Variants in SORCS3 observed in about 807,000 individuals in gnomAD.
The protein encoded by SORCS3 is VPS10 domain-containing receptor SorCS3.
In SORCS3, 57 loss-of-function variants were observed where a neutral mutation model predicts 146.3. The observed-to-expected ratio is 0.39, with a 90% confidence interval of 0.31 to 0.49. The LOEUF is 0.49. Among genes scored for constraint, SORCS3 ranks in the 20% least tolerant of loss-of-function variants. The pLI is 0.92. For synonymous variants in SORCS3, 653 were observed against 618.5 expected (o/e 1.06, Z -0.83); for missense variants, 1,341 against 1,575.5 (o/e 0.85, Z 2.52).
In SORCS3 at chr10:105,223,103, T is replaced by C. The variant is rs1042303379; in HGVS notation, c.2735-13T>C. ...AGAATATAAACACTGACTTTTTTTT[T>C]CTGTTTCCTTAGGTCCTGTGGAGCA... is the stretch of plus-strand genomic sequence containing the variant. On this transcript the variant is annotated splice_polypyrimidine_tract_variant and intron_variant, in intron 19 of 26. Transcript: ENST00000369701. 7 of 1,588,264 alleles carry C rather than the reference T, an allele frequency of 4.4e-6. No homozygotes were observed. In the South Asian group the frequency reaches 4.5e-5, roughly 10 times the overall value.
intron 4 of SORCS3, among the ~76,000 whole-genome samples, chr10:104,987,607 C>T (rs977178042): frequency 3.9e-5 from 6 of 152,058 alleles, no homozygotes; most frequent in Non-Finnish European, 8.8e-5. Flanking sequence ...TTTTCACTGT[C>T]GTCCTTTTAG....
chr10:104,661,262 T>C (rs1402967342), intron 1 of SORCS3, among the ~76,000 whole-genome samples: 3 of 152,228 alleles, frequency 2.0e-5, no homozygotes, highest in African/African-American at 7.2e-5. Flanking sequence ...GAGTTGGGAA[T>C]GAGGACGAGT....
Position 105,247,346 on chromosome 10 carries a change from T to C in SORCS3, c.3105+15T>C. 6.7e-7 allele frequency: 1 copy of C among 1,481,874 alleles called. No homozygotes were observed. The highest frequency in any genetic ancestry group is 1.1e-5 in the South Asian group (1 of 87,254). 91.8% of individuals were successfully genotyped at this position (1,481,874 alleles called of 1,614,324 possible). A position where few individuals can be genotyped will look rare whatever the true frequency, so the allele number is the denominator to read the frequency against. On this transcript the variant is annotated intron_variant, in intron 22 of 26. Coordinates refer to ENST00000369701, the MANE Select transcript of SORCS3 (RefSeq NM_014978.3). ...CTCTGGTTAAAGTAAGTTGGCTTTG[T>C]CTTTTTTTAAGTTCTTGTGAATAAA...
chr10:104,860,890 C>T (rs1254280457), intron 2 of SORCS3, among the ~76,000 whole-genome samples: 2 of 152,142 alleles, frequency 1.3e-5, no homozygotes, highest in African/African-American at 2.4e-5. Flanking sequence ...TGAATAAGAC[C>T]TGGCTTCAGT....
chr10:105,109,038 T>A (rs2133755872), intron 7 of SORCS3, among the ~76,000 whole-genome samples: 1 of 152,214 alleles, frequency 6.6e-6, no homozygotes, highest in East Asian at 1.9e-4. Context: ...TCTGATAATT[T>A]TGAGTATTTG....
chr10:104,932,603 G>A (rs1055898582), intron 3 of SORCS3, among the ~76,000 whole-genome samples: 1 of 152,194 alleles, frequency 6.6e-6, no homozygotes, highest in Non-Finnish European at 1.5e-5. Flanking sequence ...TTCTGTCTAC[G>A]TTGTGTGATT....
intron 14 of SORCS3, among the ~76,000 whole-genome samples, chr10:105,185,747 T>C (rs537887313): frequency 1.3e-4 from 20 of 152,346 alleles, no homozygotes; most frequent in African/African-American, 4.1e-4. Flanking sequence ...ATAGAATTGA[T>C]ATTTTCATTA....
intron 2 of SORCS3, among the ~76,000 whole-genome samples, chr10:104,884,454 A>G (rs1044352758): frequency 6.6e-6 from 1 of 152,190 alleles, no homozygotes; most frequent in African/African-American, 2.4e-5. Context: ...CAGTACTGTA[A>G]AGTTCAGAGA....
At chr10:105,101,985 A>C (rs2055788189) in intron 6 of SORCS3, among the ~76,000 whole-genome samples, 1 of 152,224 alleles carries the variant, frequency 6.6e-6, no homozygotes, top group South Asian at 2.1e-4. Flanking sequence ...GCTCCAAAGC[A>C]CAGCCTGGGC....
At chr10:105,239,249 A>G (rs2056809901) in intron 20 of SORCS3, among the ~76,000 whole-genome samples, 1 of 152,200 alleles carries the variant, frequency 6.6e-6, no homozygotes, top group African/African-American at 2.4e-5. Flanking sequence ...ACCTCATATG[A>G]TGAGCACTTT....
At chr10:105,087,576 G>A (rs1404243420) in intron 5 of SORCS3, among the ~76,000 whole-genome samples, 11 of 151,804 alleles carry the variant, frequency 7.2e-5, no homozygotes, top group East Asian at 3.9e-4. Context: ...AGTCCTCTGC[G>A]TGTCTGGCCT....
At chr10:105,071,736 C>T (rs1054078016) in intron 5 of SORCS3, among the ~76,000 whole-genome samples, 3 of 152,024 alleles carry the variant, frequency 2.0e-5, no homozygotes, top group Non-Finnish European at 2.9e-5. Flanking sequence ...CCATAGTCAC[C>T]CTGTTGTGCT....
intron 5 of SORCS3, among the ~76,000 whole-genome samples, chr10:105,080,902 A>C (rs2055620551): frequency 6.6e-6 from 1 of 152,224 alleles, no homozygotes; most frequent in Non-Finnish European, 1.5e-5. Flanking sequence ...AAAAACAAGC[A>C]TTGGGAAAAG....
intron 5 of SORCS3, among the ~76,000 whole-genome samples, chr10:105,073,837 C>A (rs932104201): frequency 6.6e-6 from 1 of 152,124 alleles, no homozygotes; most frequent in African/African-American, 2.4e-5. Flanking sequence ...GAACAGGGAA[C>A]CACAGACGTT....
intron 3 of SORCS3, among the ~76,000 whole-genome samples, chr10:104,957,391 G>A (rs925973126): frequency 1.1e-4 from 16 of 152,290 alleles, no homozygotes; most frequent in South Asian, 2.1e-4. Flanking sequence ...AATGAGAAGC[G>A]ATTAATCTAA....
intron 1 of SORCS3, among the ~76,000 whole-genome samples, chr10:104,692,563 A>G (rs2016126747): frequency 6.6e-6 from 1 of 152,188 alleles, no homozygotes; most frequent in South Asian, 2.1e-4. Flanking sequence ...TATTTGTTGA[A>G]TGAGTCATCA....
intron 1 of SORCS3, among the ~76,000 whole-genome samples, chr10:104,758,326 C>T (rs1284083341): frequency 6.6e-6 from 1 of 152,076 alleles, no homozygotes; most frequent in Non-Finnish European, 1.5e-5. Flanking sequence ...TTTATTTTTG[C>T]AGGGGTGGGT....
chr10:104,707,546 A>T (rs1271268482), intron 1 of SORCS3, among the ~76,000 whole-genome samples: 2 of 152,160 alleles, frequency 1.3e-5, no homozygotes, highest in Non-Finnish European at 2.9e-5. Flanking sequence ...AGATTTCAGG[A>T]CCACCACAAT....
chr10:105,241,683 G>A (rs543417561), intron 20 of SORCS3, among the ~76,000 whole-genome samples: 1 of 152,264 alleles, frequency 6.6e-6, no homozygotes, highest in South Asian at 2.1e-4. Flanking sequence ...GGGAGCTGGA[G>A]AGGGGACAAG....
Sources: gnomAD v4.1 joint callset for allele counts (sites outside exome capture counted in the v4.1 genomes callset) on GRCh38, gnomAD v4.1.1 for gene constraint, MANE v1.5 for transcripts, NCBI Gene and HGNC (gene_info 2026-07-23, HGNC 2026-07-21) for gene names.